The following CACNA1D variants were observed in gnomAD, a reference collection of about 807,000 sequenced individuals.
CACNA1D encodes the protein calcium voltage-gated channel subunit alpha1 D, also known as voltage-dependent L-type calcium channel subunit alpha-1D.
CACNA1D carries 55 observed loss-of-function variants against 257.1 expected under a neutral mutation model. That is an observed-to-expected ratio of 0.21 (90% CI 0.17 to 0.27). The LOEUF (loss-of-function observed/expected upper bound fraction) is 0.27. Ranked by LOEUF, CACNA1D falls within the 10% of genes least tolerant of loss-of-function variation. CACNA1D has a pLI of 1.00. For synonymous variants in CACNA1D, 980 were observed against 1,014.9 expected (o/e 0.97, Z 0.65); for missense variants, 1,876 against 2,784.0 (o/e 0.67, Z 7.34).
chr3:53,755,039 A>G (rs2095254398), intron 29 of CACNA1D, among the ~76,000 whole-genome samples: 2 of 152,214 alleles, frequency 1.3e-5, no homozygotes, highest in East Asian at 3.8e-4. Context: ...CCATATCTAC[A>G]TACATAAACA....
chr3:53,596,012 A>G lies in CACNA1D; in HGVS notation c.484-54767A>G, dbSNP rs1184531870. On this transcript the variant is annotated intron_variant, in intron 3 of 47. Transcript: ENST00000350061. ...TTCTTTTCAGTTACAGAATTCTGTC[A>G]TCATTACAGAAACAAGGCTTAGCCA... Among the ~76,000 whole-genome samples, 5 of 152,202 alleles carry G rather than the reference A, an allele frequency of 3.3e-5. No individual in the cohort carries two copies. In the South Asian group the frequency reaches 8.3e-4, roughly 25 times the overall value.
chr3:53,651,500 G>A (rs1278445999), intron 4 of CACNA1D, among the ~76,000 whole-genome samples: 9 of 148,904 alleles, frequency 6.0e-5, no homozygotes. Flanking sequence ...AGAAAATGCA[G>A]AGAAGCAGGT....
chr3:53,632,780 G>C (rs2108128965), intron 3 of CACNA1D, among the ~76,000 whole-genome samples: 1 of 152,342 alleles, frequency 6.6e-6, no homozygotes, highest in Non-Finnish European at 1.5e-5. Context: ...CAGCTGGTTG[G>C]TGGAGCAGTC....
At chr3:53,520,874 C>CT (rs1390774442) in intron 3 of CACNA1D, among the ~76,000 whole-genome samples, 7 of 81,932 alleles carry the variant, frequency 8.5e-5, no homozygotes, top group Non-Finnish European at 8.8e-5. Context: ...TTCTTTCTTT[C>CT]TTTCTTTCTT....
At chr3:53,747,486 C>G in intron 26 of CACNA1D, 38 bp downstream of exon 26, 2 of 1,609,112 alleles carry the variant, frequency 1.2e-6, no homozygotes, top group Non-Finnish European at 1.7e-6. Context: ...GGAGAGGCAC[C>G]TGCGTGCCCA....
chr3:53,519,086 C>T (rs1259281646), intron 3 of CACNA1D, among the ~76,000 whole-genome samples: 2 of 152,220 alleles, frequency 1.3e-5, no homozygotes, highest in Non-Finnish European at 2.9e-5. Flanking sequence ...AAGCCTTCCT[C>T]ACTCCCTGGC....
chr3:53,719,614 C>T (rs1457328219), intron 10 of CACNA1D, 141 bp from the exon 11 acceptor site: 1 of 808,202 alleles, frequency 1.2e-6, no homozygotes, highest in Non-Finnish European at 2.2e-6. Flanking sequence ...CTGGCCTTGC[C>T]CCTGCTGGCC....
At chr3:53,670,324 T>C (rs1020428800) in intron 7 of CACNA1D, among the ~76,000 whole-genome samples, 2 of 152,186 alleles carry the variant, frequency 1.3e-5, no homozygotes, top group African/African-American at 4.8e-5. Context: ...GACATGAATA[T>C]GCATTTCAAC....
chr3:53,706,756 C>T (rs116419623), intron 9 of CACNA1D, among the ~76,000 whole-genome samples: 3,138 of 152,230 alleles, frequency 0.021, 51 homozygotes, highest in Non-Finnish European at 0.032. Context: ...AATTTCTCAT[C>T]CCTCATGCCT....
chr3:53,777,654 C>T (rs2095405477), intron 37 of CACNA1D, among the ~76,000 whole-genome samples: 1 of 152,186 alleles, frequency 6.6e-6, no homozygotes, highest in South Asian at 2.1e-4. Flanking sequence ...TTCCACACGT[C>T]CCCTCTGCTA....
intron 30 of CACNA1D, among the ~76,000 whole-genome samples, chr3:53,764,426 T>C (rs1352135701): frequency 1.3e-5 from 2 of 152,204 alleles, no homozygotes; most frequent in Non-Finnish European, 2.9e-5. Context: ...GAAAATACAA[T>C]AAACCAGCAG....
At chr3:53,716,198 T>C (rs2108668325) in intron 9 of CACNA1D, among the ~76,000 whole-genome samples, 1 of 152,326 alleles carries the variant, frequency 6.6e-6, no homozygotes, top group South Asian at 2.1e-4. Context: ...CCCTCAAGAT[T>C]GTGGAGTTCA....
chr3:53,758,942 C>T (rs2095283462), intron 29 of CACNA1D, among the ~76,000 whole-genome samples: 2 of 152,010 alleles, frequency 1.3e-5, no homozygotes, highest in South Asian at 2.1e-4. Context: ...TGCCACTTGA[C>T]GGTGATTTTA....
intron 40 of CACNA1D, among the ~76,000 whole-genome samples, chr3:53,797,514 T>G (rs1185238005): frequency 6.6e-6 from 1 of 152,226 alleles, no homozygotes; most frequent in East Asian, 1.9e-4. Context: ...ATAAATATGT[T>G]GTCATTATTT....
intron 8 of CACNA1D, among the ~76,000 whole-genome samples, chr3:53,688,887 G>GT (rs1199846627): frequency 1.3e-5 from 2 of 152,158 alleles, no homozygotes; most frequent in South Asian, 2.1e-4. Flanking sequence ...AAGTCAGTGG[G>GT]TGAGAGTACA....
At chr3:53,711,025 G>C (rs2094748906) in intron 9 of CACNA1D, among the ~76,000 whole-genome samples, 1 of 152,178 alleles carries the variant, frequency 6.6e-6, no homozygotes, top group Non-Finnish European at 1.5e-5. Flanking sequence ...GAAGCCAGGA[G>C]TTTGAGACTA....
At chr3:53,792,560 A>G (rs1028354637) in intron 40 of CACNA1D, 1 of 151,964 alleles carries the variant, frequency 6.6e-6, no homozygotes, top group Non-Finnish European at 1.5e-5. Flanking sequence ...GTGCGGAGAC[A>G]GGGGAAGAGA....
At chr3:53,710,157 GT>G (rs1356145417) in intron 9 of CACNA1D, among the ~76,000 whole-genome samples, 2 of 152,222 alleles carry the variant, frequency 1.3e-5, no homozygotes, top group Admixed American at 1.3e-4. Flanking sequence ...GGGTTAGCTG[GT>G]TGTTGATTTA....
At chr3:53,705,184 C>T (rs562421645) in intron 9 of CACNA1D, among the ~76,000 whole-genome samples, 36 of 151,972 alleles carry the variant, frequency 2.4e-4, no homozygotes, top group Admixed American at 7.9e-4. Flanking sequence ...CAGGAGGGCG[C>T]GATGATTCTG....
Sources: allele counts gnomAD v4.1 joint callset (sites outside exome capture counted in the v4.1 genomes callset), GRCh38; gene constraint gnomAD v4.1.1; transcripts MANE v1.5; gene names NCBI Gene and HGNC (gene_info 2026-07-23, HGNC 2026-07-21).